C2CD5: variants seen among roughly 807,000 people sequenced by gnomAD.
C2CD5 encodes the protein C2 domain-containing protein 5.
A neutral mutation model predicts 130.3 loss-of-function variants in C2CD5; 109 were observed. That is an observed-to-expected ratio of 0.84 (90% CI 0.72 to 0.98). C2CD5 has a LOEUF of 0.98. Among genes scored for constraint, C2CD5 ranks in the 50% least tolerant of loss-of-function variants. C2CD5 has a pLI of 0.00. For synonymous variants in C2CD5, 454 were observed against 429.2 expected (o/e 1.06, Z -0.71); for missense variants, 996 against 1,261.8 (o/e 0.79, Z 3.19).
intron 7 of C2CD5, among the ~76,000 whole-genome samples, chr12:22,520,974 C>T (rs921257934): frequency 6.6e-6 from 1 of 152,070 alleles, no homozygotes; most frequent in Non-Finnish European, 1.5e-5. Context: ...CCATAATGTA[C>T]TCTTGGAGTT....
At chr12:22,495,801 A>G (rs754417394) in intron 10 of C2CD5, among the ~76,000 whole-genome samples, 10 of 152,120 alleles carry the variant, frequency 6.6e-5, no homozygotes, top group Admixed American at 1.3e-4. Flanking sequence ...GTTTTTGGCT[A>G]AAGCAAAAGC....
chr12:22,478,512 A>AT, intron 14 of C2CD5, 35 bp from the exon 15 acceptor site: 15 of 1,563,760 alleles, frequency 9.6e-6, no homozygotes, highest in Non-Finnish European at 1.3e-5. Context: ...ATCAGAAAAA[A>AT]TATCTACAGA....
At chr12:22,461,145 T>C (rs1401099040) in intron 22 of C2CD5, among the ~76,000 whole-genome samples, 1 of 152,152 alleles carries the variant, frequency 6.6e-6, no homozygotes, top group African/African-American at 2.4e-5. Flanking sequence ...TTACCACATC[T>C]GTAGGGACAC....
chr12:22,472,806 A>C lies in C2CD5; in HGVS notation c.2045T>G (p.Ile682Ser). 6.6e-7 allele frequency: 1 copy of C among 1,520,026 alleles called. No individual in the cohort carries two copies. Among genetic ancestry groups the C allele is most frequent in the Non-Finnish European group, 9.1e-7 (1 of 1,094,846 alleles). 94.2% of individuals were successfully genotyped at this position (1,520,026 alleles called of 1,614,324 possible). The change falls in exon 17 of 27, where the codon ATT (isoleucine) becomes AGT (serine). Residue 682 changes from isoleucine to serine, a missense_variant and splice_region_variant. Ile to Ser is a moderately radical substitution (Grantham distance 142). This residue lies in a region of C2CD5 where 590 missense variants were observed against 631.4 expected (regional missense o/e 0.93). Coordinates refer to ENST00000446597, the MANE Select transcript of C2CD5 (RefSeq NM_001286176.2). Reference sequence around the variant, plus strand: ...ATCTTCCATGGCATCTGTGTCATCAATCTTAAAATAGAGATTAAAACTATT... The same window carrying C: ...ATCTTCCATGGCATCTGTGTCATCACTCTTAAAATAGAGATTAAAACTATT... ...HGKKDAFVLEIDDTDAMEDVH... is the reference protein window; with the variant it reads ...HGKKDAFVLESDDTDAMEDVH...
At chr12:22,503,759 G>A (rs370566912) in intron 10 of C2CD5, among the ~76,000 whole-genome samples, 2 of 152,138 alleles carry the variant, frequency 1.3e-5, no homozygotes, top group Admixed American at 1.3e-4. Flanking sequence ...CGATCTGCCC[G>A]CCTTGGCCTC....
intron 10 of C2CD5, among the ~76,000 whole-genome samples, chr12:22,495,877 C>T (rs182172565): frequency 1.2e-3 from 183 of 152,016 alleles, no homozygotes; most frequent in Non-Finnish European, 2.0e-3. Flanking sequence ...GATATTTTGG[C>T]GCATGCTTGG....
chr12:22,523,317 T>A, intron 7 of C2CD5, 109 bp downstream of exon 7: 1 of 760,104 alleles, frequency 1.3e-6, no homozygotes, highest in Non-Finnish European at 2.1e-6. Flanking sequence ...ATAAAAATCA[T>A]CACAGAGAAA....
At chr12:22,480,648 C>T (rs765988186) in intron 14 of C2CD5, among the ~76,000 whole-genome samples, 2 of 152,170 alleles carry the variant, frequency 1.3e-5, no homozygotes, top group Admixed American at 6.5e-5. Context: ...TTGAATCCAG[C>T]TCTTAATTGA....
intron 6 of C2CD5, among the ~76,000 whole-genome samples, chr12:22,524,070 C>T (rs1269349362): frequency 1.3e-5 from 2 of 152,040 alleles, no homozygotes; most frequent in Non-Finnish European, 2.9e-5. Flanking sequence ...GAGGGAACTA[C>T]AGTACCTAGG....
chr12:22,486,267 T>C (rs891140910), intron 12 of C2CD5, among the ~76,000 whole-genome samples: 1 of 151,996 alleles, frequency 6.6e-6, no homozygotes, highest in Non-Finnish European at 1.5e-5. Context: ...CCGTTCACTG[T>C]GGTCACTCAT....
intron 24 of C2CD5, 148 bp from the exon 25 acceptor site, chr12:22,457,309 T>C (rs1364731710): frequency 2.1e-6 from 1 of 486,380 alleles, no homozygotes; most frequent in African/African-American, 2.0e-5. Flanking sequence ...ATGCACTGCA[T>C]GCAATTAAAA....
chr12:22,538,346 C>T (rs1952017453), intron 2 of C2CD5, among the ~76,000 whole-genome samples: 1 of 152,136 alleles, frequency 6.6e-6, no homozygotes, highest in Non-Finnish European at 1.5e-5. Flanking sequence ...TCTTTACATT[C>T]ACTCATTTAT....
At position 22,544,160 on chromosome 12, in the gene C2CD5, T is replaced by G. The variant is rs768897378; in HGVS notation, c.-10A>C. On this transcript the variant is annotated 5_prime_UTR_variant, in exon 2 of 27. Coordinates refer to ENST00000446597, the MANE Select transcript of C2CD5 (RefSeq NM_001286176.2). ...TCAGCTTCCCTGGCATGGTCTCGGTTTCGGCCTCTTCTTGGGCTCCTGCAG... is the reference window on the plus strand; with the variant it reads ...TCAGCTTCCCTGGCATGGTCTCGGTGTCGGCCTCTTCTTGGGCTCCTGCAG... 6.2e-7 allele frequency: 1 copy of G among 1,613,752 alleles called. No homozygotes were observed. The highest frequency in any genetic ancestry group is 2.2e-5 in the East Asian group (1 of 44,830).
chr12:22,509,655 T>G (rs1176695780), intron 9 of C2CD5, among the ~76,000 whole-genome samples: 2 of 152,242 alleles, frequency 1.3e-5, no homozygotes, highest in Admixed American at 1.3e-4. Flanking sequence ...TAAGTACCTA[T>G]CATCACCACC....
At chr12:22,493,450 G>C (rs1315372789) in intron 10 of C2CD5, 113 bp from the exon 11 acceptor site, 1 of 565,344 alleles carries the variant, frequency 1.8e-6, no homozygotes, top group Non-Finnish European at 3.1e-6. Flanking sequence ...TTCTATAATG[G>C]ATTTTTAAAC....
At chr12:22,526,872 T>G (rs1042264108) in intron 4 of C2CD5, among the ~76,000 whole-genome samples, 5 of 152,144 alleles carry the variant, frequency 3.3e-5, no homozygotes, top group African/African-American at 1.2e-4. Context: ...ACTCAATAAT[T>G]TACCTACTAA....
chr12:22,486,186 GAAAA>G (rs35716305), intron 12 of C2CD5, among the ~76,000 whole-genome samples: 1 of 111,382 alleles, frequency 9.0e-6, no homozygotes, highest in Non-Finnish European at 2.0e-5. Flanking sequence ...GGCTTGAATG[GAAAA>G]AAAAAAAAAA....
chr12:22,466,108 A>G (rs1478828647), intron 22 of C2CD5, among the ~76,000 whole-genome samples: 1 of 152,098 alleles, frequency 6.6e-6, no homozygotes, highest in African/African-American at 2.4e-5. Flanking sequence ...CATGACATTC[A>G]CCCATTTTCA....
intron 8 of C2CD5, among the ~76,000 whole-genome samples, chr12:22,517,338 G>A (rs1591951289): frequency 6.6e-6 from 1 of 150,970 alleles, no homozygotes; most frequent in South Asian, 2.1e-4. Context: ...TCTATTCTAA[G>A]GTATAAAGAA....
Sources: gnomAD v4.1 joint callset for allele counts (sites outside exome capture counted in the v4.1 genomes callset) on GRCh38, gnomAD v4.1.1 for gene constraint, gnomAD v4.1.1 regional missense constraint, MANE v1.5 for transcripts, NCBI Gene and HGNC (gene_info 2026-07-23, HGNC 2026-07-21) for gene names.